DENND1A: variants seen among roughly 807,000 people sequenced by gnomAD.
The protein encoded by DENND1A is DENN domain containing 1A.
Under a neutral mutation model 113.7 loss-of-function variants are expected in DENND1A, and 51 were observed. That is an observed-to-expected ratio of 0.45 (90% CI 0.36 to 0.57). The LOEUF is 0.57. Among genes scored for constraint, DENND1A ranks in the 20% least tolerant of loss-of-function variants. DENND1A has a pLI of 0.00. For missense variants in DENND1A, 1,258 were observed against 1,395.9 expected, an observed-to-expected ratio of 0.90 and a Z score of 1.57; for synonymous variants, 565 against 570.8, an observed-to-expected ratio of 0.99 and a Z score of 0.14.
intron 1 of DENND1A, among the ~76,000 whole-genome samples, chr9:123,888,515 T>C (rs547619722): frequency 6.6e-6 from 1 of 152,290 alleles, no homozygotes; most frequent in East Asian, 1.9e-4. Context: ...GTGATCACCA[T>C]CAGTAATGGA....
At chr9:123,792,725 C>G in intron 2 of DENND1A, 95 bp from the exon 3 acceptor site, 4 of 1,428,532 alleles carry the variant, frequency 2.8e-6, no homozygotes, top group South Asian at 2.5e-5. Flanking sequence ...GATAGCAGCC[C>G]TGGCAGGGGA....
intron 4 of DENND1A, among the ~76,000 whole-genome samples, chr9:123,765,148 GC>G (rs2071361641): frequency 6.6e-6 from 1 of 151,920 alleles, no homozygotes; most frequent in Non-Finnish European, 1.5e-5. Flanking sequence ...TTGCTTTATT[GC>G]TTTTGAAATA....
At chr9:123,761,613 AG>A (rs1489535555) in intron 4 of DENND1A, among the ~76,000 whole-genome samples, 1 of 152,196 alleles carries the variant, frequency 6.6e-6, no homozygotes, top group Non-Finnish European at 1.5e-5. Flanking sequence ...ACAGCTTACC[AG>A]GAGGTACTTA....
In DENND1A at chr9:123,800,846, A is replaced by G. The variant is rs563039518; in HGVS notation, c.89-8216T>C. Reference sequence around the variant, plus strand: ...TAGAGTTATCCTTATCTCATCTATGAAAAAAAATTGCTAAACAAATAGAGT... The same window carrying G: ...TAGAGTTATCCTTATCTCATCTATGGAAAAAAATTGCTAAACAAATAGAGT... On this transcript the variant is annotated intron_variant, in intron 2 of 23. Coordinates refer to ENST00000394215, the MANE Select transcript of DENND1A (RefSeq NM_001352964.2). Among the ~76,000 whole-genome samples the G allele has an allele frequency of 2.6e-5, 4 of 152,168 alleles. No homozygotes were observed. The South Asian group carries it at 8.3e-4, about 32-fold the overall frequency.
At chr9:123,775,414 G>A (rs1382115529) in intron 3 of DENND1A, among the ~76,000 whole-genome samples, 1 of 151,984 alleles carries the variant, frequency 6.6e-6, no homozygotes, top group African/African-American at 2.4e-5. Flanking sequence ...GGGGGAGGAG[G>A]GGACACAAGT....
At chr9:123,773,530 G>A (rs139290673) in intron 3 of DENND1A, among the ~76,000 whole-genome samples, 160 of 152,164 alleles carry the variant, frequency 1.1e-3, no homozygotes, top group Middle Eastern at 3.4e-3. Context: ...GCAAAATCTC[G>A]AAGACCAAAT....
intron 11 of DENND1A, among the ~76,000 whole-genome samples, chr9:123,592,815 A>G (rs1335325605): frequency 1.3e-5 from 2 of 152,078 alleles, no homozygotes; most frequent in Non-Finnish European, 2.9e-5. Context: ...TTAACTGTAC[A>G]TTTAGGATGG....
intron 13 of DENND1A, among the ~76,000 whole-genome samples, chr9:123,547,549 A>G (rs1458115008): frequency 6.6e-6 from 1 of 152,130 alleles, no homozygotes; most frequent in Non-Finnish European, 1.5e-5. Context: ...ACAAAACCTG[A>G]CTGTAATTTT....
At chr9:123,388,652 G>C (rs948390361) in intron 21 of DENND1A, among the ~76,000 whole-genome samples, 81 of 152,122 alleles carry the variant, frequency 5.3e-4, no homozygotes. Flanking sequence ...CATCTCCCTT[G>C]TCAGCCACCT....
At chr9:123,877,263 G>A (rs1847622714) in intron 2 of DENND1A, among the ~76,000 whole-genome samples, 2 of 152,190 alleles carry the variant, frequency 1.3e-5, no homozygotes, top group Non-Finnish European at 2.9e-5. Flanking sequence ...GGCTGAGGCA[G>A]GCGGATAACG....
At chr9:123,426,222 G>A (rs192571633) in intron 19 of DENND1A, among the ~76,000 whole-genome samples, 20 of 152,076 alleles carry the variant, frequency 1.3e-4, no homozygotes, top group African/African-American at 4.6e-4. Flanking sequence ...ATCCTGGAGA[G>A]GTGCCACATT....
intron 2 of DENND1A, among the ~76,000 whole-genome samples, chr9:123,845,039 C>A (rs1415591429): frequency 2.0e-5 from 3 of 151,860 alleles, no homozygotes; most frequent in Admixed American, 1.3e-4. Context: ...GCCAACATGG[C>A]GAAACACCAT....
intron 2 of DENND1A, among the ~76,000 whole-genome samples, chr9:123,870,453 T>G (rs1846398993): frequency 6.6e-6 from 1 of 150,836 alleles, no homozygotes; most frequent in African/African-American, 2.4e-5. Context: ...TTTTTTTTTT[T>G]TTGAGACGGA....
chr9:123,856,302 A>AG (rs1282646839), intron 2 of DENND1A, among the ~76,000 whole-genome samples: 1 of 151,904 alleles, frequency 6.6e-6, no homozygotes, highest in African/African-American at 2.4e-5. Context: ...TGGGGACTCA[A>AG]AGTGCAACCA....
At chr9:123,652,296 G>T (rs569108947) in intron 8 of DENND1A, 173 bp from the exon 9 acceptor site, 75 of 569,246 alleles carry the variant, frequency 1.3e-4, no homozygotes, top group African/African-American at 1.0e-3. Context: ...ATCATGAAGG[G>T]TAAAGTTGGA....
At chr9:123,514,064 A>G (rs1417299797) in intron 13 of DENND1A, among the ~76,000 whole-genome samples, 1 of 102,930 alleles carries the variant, frequency 9.7e-6, no homozygotes, top group Non-Finnish European at 1.9e-5. Context: ...TTCTATTTTG[A>G]GGTGTGTGTG....
intron 12 of DENND1A, among the ~76,000 whole-genome samples, chr9:123,566,946 C>CACAA (rs1269964571): frequency 5.3e-5 from 8 of 150,882 alleles, no homozygotes; most frequent in African/African-American, 2.0e-4. Context: ...CACACAAACA[C>CACAA]ACACACACAA....
At chr9:123,679,152 A>C (rs1459410928) in intron 5 of DENND1A, among the ~76,000 whole-genome samples, 1 of 152,248 alleles carries the variant, frequency 6.6e-6, no homozygotes, top group Non-Finnish European at 1.5e-5. Flanking sequence ...ACTTCAAGTA[A>C]ACAAGAGAAA....
intron 5 of DENND1A, among the ~76,000 whole-genome samples, chr9:123,708,826 G>A (rs1564992022): frequency 6.6e-6 from 1 of 152,142 alleles, no homozygotes; most frequent in Non-Finnish European, 1.5e-5. Flanking sequence ...CCTAAGACTT[G>A]AATTTTGCTT....
Sources: allele counts gnomAD v4.1 joint callset (sites outside exome capture counted in the v4.1 genomes callset), GRCh38; gene constraint gnomAD v4.1.1; transcripts MANE v1.5; gene names NCBI Gene and HGNC (gene_info 2026-07-23, HGNC 2026-07-21).